Variants in LTBP1 observed in about 807,000 individuals in gnomAD.
The protein encoded by LTBP1 is latent-transforming growth factor beta-binding protein 1.
A neutral mutation model predicts 207.6 loss-of-function variants in LTBP1; 129 were observed. That is an observed-to-expected ratio of 0.62 (90% CI 0.54 to 0.72). The LOEUF (loss-of-function observed/expected upper bound fraction) is 0.72, where lower values mean the gene tolerates loss of function less well. Ranked by LOEUF, LTBP1 falls within the 30% of genes least tolerant of loss-of-function variation. The pLI is 0.00. For synonymous variants in LTBP1, 963 were observed against 833.7 expected (o/e 1.16, Z -2.67); for missense variants, 2,281 against 2,217.2 (o/e 1.03, Z -0.58).
intron 2 of LTBP1, among the ~76,000 whole-genome samples, chr2:32,983,800 G>A (rs556472876): frequency 5.9e-5 from 9 of 152,276 alleles, no homozygotes; most frequent in African/African-American, 1.9e-4. Flanking sequence ...CAGCCATGTG[G>A]AACTGTAAGT....
At chr2:33,055,323 C>T (rs1426682155) in intron 3 of LTBP1, among the ~76,000 whole-genome samples, 1 of 152,190 alleles carries the variant, frequency 6.6e-6, no homozygotes, top group Non-Finnish European at 1.5e-5. Flanking sequence ...CTCCCATAGC[C>T]ACTCGAGGAA....
intron 7 of LTBP1, among the ~76,000 whole-genome samples, chr2:33,213,325 C>G (rs989120873): frequency 1.3e-5 from 2 of 152,144 alleles, no homozygotes; most frequent in African/African-American, 4.8e-5. Context: ...ATAAGGCTTT[C>G]CATGTTAATG....
At chr2:33,353,671 G>A (rs889987753) in intron 26 of LTBP1, among the ~76,000 whole-genome samples, 6 of 152,036 alleles carry the variant, frequency 3.9e-5, no homozygotes, top group African/African-American at 1.2e-4. Context: ...TCACACTTCC[G>A]TGTAGGAAGT....
intron 2 of LTBP1, among the ~76,000 whole-genome samples, chr2:32,964,698 TACTA>T (rs1202605240): frequency 2.6e-5 from 4 of 152,096 alleles, no homozygotes; most frequent in Non-Finnish European, 5.9e-5. Context: ...ATTACCTAAA[TACTA>T]AGTAAATCAA....
chr2:33,102,083 T>C (rs1001862163), intron 3 of LTBP1, among the ~76,000 whole-genome samples: 1 of 151,926 alleles, frequency 6.6e-6, no homozygotes, highest in Non-Finnish European at 1.5e-5. Flanking sequence ...CATTTGGAGG[T>C]TGTGCAGTTT....
chr2:33,022,666 C>A (rs1216367683), intron 3 of LTBP1, among the ~76,000 whole-genome samples: 1 of 152,116 alleles, frequency 6.6e-6, no homozygotes, highest in Non-Finnish European at 1.5e-5. Flanking sequence ...AGCATCCATG[C>A]CCTGAAGGAA....
At position 32,975,583 on chromosome 2, in the gene LTBP1, G is replaced by GTTTTTTTTTTTTTTTT. The variant is rs779168923; in HGVS notation, c.565+26661_565+26676dup. On this transcript the variant is annotated intron_variant, in intron 2 of 33. Transcript: ENST00000404816. Reference sequence around the variant, plus strand: ...TTGTTGGAGGTTTCATTCATTCTTTGTTTTTTTTTTTTTTTTTTTTTTTTT... The same window carrying GTTTTTTTTTTTTTTTT: ...TTGTTGGAGGTTTCATTCATTCTTTGTTTTTTTTTTTTTTTTTTTTTTTTTTTTTTTTTTTTTTTTT... Among the ~76,000 whole-genome samples the GTTTTTTTTTTTTTTTT allele has an allele frequency of 1.2e-3, 37 of 31,378 alleles. 7 individuals are homozygous for GTTTTTTTTTTTTTTTT. Among genetic ancestry groups the GTTTTTTTTTTTTTTTT allele is most frequent in the African/African-American group, 2.7e-3 (20 of 7,282 alleles). 20.6% of individuals were successfully genotyped at this position (31,378 alleles called of 152,430 possible).
chr2:33,200,601 G>T (rs1389572389), intron 7 of LTBP1, among the ~76,000 whole-genome samples: 3 of 152,112 alleles, frequency 2.0e-5, no homozygotes, highest in Non-Finnish European at 4.4e-5. Flanking sequence ...AAAAGCAATG[G>T]CAACAAAAGC....
At chr2:33,092,814 C>A (rs181439238) in intron 3 of LTBP1, among the ~76,000 whole-genome samples, 123 of 152,264 alleles carry the variant, frequency 8.1e-4, no homozygotes, top group African/African-American at 2.7e-3. Flanking sequence ...TTTCCATGAC[C>A]CTAAATTCTC....
chr2:33,393,020 G>A (rs920078099), intron 32 of LTBP1, among the ~76,000 whole-genome samples: 1 of 151,760 alleles, frequency 6.6e-6, no homozygotes, highest in Non-Finnish European at 1.5e-5. Context: ...GCCTGCCATG[G>A]ATGTATTACT....
At chr2:33,172,917 C>T (rs1223399401) in intron 5 of LTBP1, among the ~76,000 whole-genome samples, 14 of 152,046 alleles carry the variant, frequency 9.2e-5, no homozygotes, top group African/African-American at 3.1e-4. Context: ...GGGTACATAA[C>T]AAAATGAAGG....
chr2:33,209,670 C>G (rs1312376250), intron 7 of LTBP1, among the ~76,000 whole-genome samples: 4 of 152,186 alleles, frequency 2.6e-5, no homozygotes, highest in Non-Finnish European at 5.9e-5. Context: ...ATTTCTATAT[C>G]TAACTTACGT....
chr2:33,263,328 T>C lies in LTBP1; in HGVS notation c.2553T>C (p.Val851=), dbSNP rs2093074134. The C allele has an allele frequency of 6.2e-7, 1 of 1,613,854 alleles. No individual in the cohort carries two copies. The highest frequency in any genetic ancestry group is 8.5e-7 in the Non-Finnish European group (1 of 1,179,870). The part of the protein sequence containing the change: ...VIEKTSPPVP[V]EVAPEASTSS... ...AAAAAACATCACCTCCTGTGCCTGT[T>C]GAAGTAGCTCCTGAAGCTTCTACGT... The change falls in exon 15 of 34, where the codon GTT becomes GTC. Residue 851 remains valine, a synonymous_variant. Coordinates refer to ENST00000404816, the MANE Select transcript of LTBP1 (RefSeq NM_206943.4).
At chr2:33,368,443 A>G (rs2095026918) in intron 31 of LTBP1, among the ~76,000 whole-genome samples, 1 of 152,200 alleles carries the variant, frequency 6.6e-6, no homozygotes, top group Non-Finnish European at 1.5e-5. Context: ...TATCTTTTGG[A>G]TATAATGACT....
chr2:33,287,784 C>G (rs1242444332), intron 19 of LTBP1, among the ~76,000 whole-genome samples: 3 of 152,170 alleles, frequency 2.0e-5, no homozygotes, highest in Non-Finnish European at 4.4e-5. Context: ...CTGCTACTAC[C>G]ACATATTTTA....
intron 5 of LTBP1, among the ~76,000 whole-genome samples, chr2:33,172,037 C>T (rs2085508702): frequency 6.6e-6 from 1 of 152,190 alleles, no homozygotes; most frequent in Non-Finnish European, 1.5e-5. Context: ...CAACCAGTAC[C>T]AGTCACTGCA....
chr2:33,294,407 G>T (rs1427164310), intron 20 of LTBP1, among the ~76,000 whole-genome samples: 4 of 151,720 alleles, frequency 2.6e-5, no homozygotes, highest in African/African-American at 9.7e-5. Flanking sequence ...ATGTTGGGTA[G>T]GCTGGTCTTG....
At chr2:32,989,877 A>C (rs966929402) in intron 2 of LTBP1, among the ~76,000 whole-genome samples, 2 of 152,230 alleles carry the variant, frequency 1.3e-5, no homozygotes, top group Non-Finnish European at 2.9e-5. Flanking sequence ...GGTAGTAGGT[A>C]ACTAAATACA....
chr2:32,967,873 G>A (rs1443982392), intron 2 of LTBP1, among the ~76,000 whole-genome samples: 3 of 152,162 alleles, frequency 2.0e-5, no homozygotes, highest in Admixed American at 2.0e-4. Context: ...TGTCCTTACT[G>A]ATTTTCTGCA....
Sources: gnomAD v4.1 joint callset for allele counts (sites outside exome capture counted in the v4.1 genomes callset) on GRCh38, gnomAD v4.1.1 for gene constraint, MANE v1.5 for transcripts, NCBI Gene and HGNC (gene_info 2026-07-23, HGNC 2026-07-21) for gene names.